Variants in ZFP64 observed in about 807,000 individuals in gnomAD.
The protein encoded by ZFP64 is zinc finger protein 64.
A neutral mutation model predicts 51.6 loss-of-function variants in ZFP64; 14 were observed. The ratio of observed to expected loss-of-function variants is 0.27; its 90% CI spans 0.18 to 0.42. The LOEUF (loss-of-function observed/expected upper bound fraction) is 0.42, where lower values mean the gene tolerates loss of function less well. Among genes scored for constraint, ZFP64 ranks in the 10% least tolerant of loss-of-function variants. The pLI, the probability that ZFP64 is intolerant of heterozygous loss-of-function variation, is 1.00. For missense variants in ZFP64, 754 were observed against 906.8 expected (o/e 0.83, Z 2.16); for synonymous variants, 375 against 361.4 (o/e 1.04, Z -0.43).
intron 5 of ZFP64, among the ~76,000 whole-genome samples, chr20:52,111,832 A>C (rs2122816911): frequency 6.6e-6 from 1 of 152,130 alleles, no homozygotes; most frequent in Middle Eastern, 3.4e-3. Flanking sequence ...CTGTAATCCC[A>C]GCACTTTGGG....
exon 9 of ZFP64, chr20:52,084,871 C>T (rs562200956): frequency 1.9e-6 from 3 of 1,613,822 alleles, no homozygotes; most frequent in Non-Finnish European, 2.5e-6. Context: ...ACCTTGTCGA[C>T]GTGCTTGGCC....
chr20:52,115,886 A>G (rs1236268141), intron 5 of ZFP64, among the ~76,000 whole-genome samples: 4 of 151,738 alleles, frequency 2.6e-5, no homozygotes, highest in Non-Finnish European at 5.9e-5. Context: ...CCAGGCTGGA[A>G]TGCATTGGTG....
chr20:52,094,619 C>T (rs749326844), intron 7 of ZFP64, among the ~76,000 whole-genome samples: 9 of 152,130 alleles, frequency 5.9e-5, no homozygotes, highest in East Asian at 5.8e-4. Flanking sequence ...ATTAGCTGGG[C>T]GAAATGGGGC....
intron 7 of ZFP64, among the ~76,000 whole-genome samples, chr20:52,096,368 G>T (rs1189159178): frequency 6.6e-6 from 1 of 152,250 alleles, no homozygotes; most frequent in East Asian, 1.9e-4. Flanking sequence ...AACTACAGCA[G>T]CTGCCTCAGA....
At chr20:52,155,673 TTCTTTA>T (rs1981259498) in intron 5 of ZFP64, among the ~76,000 whole-genome samples, 1 of 152,146 alleles carries the variant, frequency 6.6e-6, no homozygotes, top group Non-Finnish European at 1.5e-5. Context: ...CCATAAACAT[TTCTTTA>T]ATGAAGTATC....
chr20:52,132,456 A>G (rs1410181551), intron 5 of ZFP64, among the ~76,000 whole-genome samples: 1 of 152,162 alleles, frequency 6.6e-6, no homozygotes, highest in African/African-American at 2.4e-5. Context: ...AAAATTTACA[A>G]ACCTTTACCC....
downstream of ZFP64, chr20:52,151,265 C>A: frequency 2.0e-6 from 2 of 985,280 alleles, no homozygotes; most frequent in Non-Finnish European, 2.4e-6. Context: ...TCTAAAGAAT[C>A]ATTAACATTC....
At position 52,153,129 on chromosome 20, in the gene ZFP64, T is replaced by C; in HGVS notation, c.1063A>G (p.Lys355Glu). 6.2e-7 allele frequency: 1 copy of C among 1,614,216 alleles called. No individual in the cohort carries two copies. Among genetic ancestry groups the C allele is most frequent in the Non-Finnish European group, 8.5e-7 (1 of 1,180,038 alleles). Residue 355 changes from lysine (K) to glutamate (E), a missense_variant, in exon 6 of 6, where the codon AAG (lysine) becomes GAG (glutamate). Physicochemically the swap from Lys to Glu is moderately conservative, Grantham distance 56. This residue lies in a region of ZFP64 where 428 missense variants were observed against 472.4 expected (regional missense o/e 0.91). Transcript: ENST00000216923. The surrounding 1 kb of genome is among the most constrained non-coding windows in gnomAD (Gnocchi z 5.1). The stretch of plus-strand genomic sequence containing the variant: ...CGCTCGTGGATGCGCAGGGCGGCCT[T>C]GCTGGAGCAGGAGTAGCTGCATTCC... Reference protein sequence around the residue: ...CSECSYSCSSKAALRIHERIH... With the variant: ...CSECSYSCSSEAALRIHERIH...
intron 2 of ZFP64, 48 bp from the exon 3 acceptor site, chr20:52,166,073 G>T: frequency 2.6e-6 from 4 of 1,544,938 alleles, no homozygotes; most frequent in Non-Finnish European, 3.5e-6. Flanking sequence ...ATGCCCGCTA[G>T]CTATGGTGTC....
In ZFP64 at chr20:52,160,300, A is replaced by T; in HGVS notation, c.586T>A (p.Cys196Ser). 1 of 1,614,256 alleles carries T rather than the reference A, an allele frequency of 6.2e-7. No individual in the cohort carries two copies. The highest frequency in any genetic ancestry group is 8.5e-7 in the Non-Finnish European group (1 of 1,180,054). The change falls in exon 5 of 6, where the codon TGC (cysteine) becomes AGC (serine). Residue 196 changes from cysteine (C) to serine (S), a missense_variant. By Grantham distance (112) the Cys-to-Ser change is moderately radical. Coordinates refer to ENST00000216923, the MANE Select transcript of ZFP64 (RefSeq NM_018197.3). This position sits in a 1 kb window ranked among gnomAD's most constrained non-coding sequence, Gnocchi z 4.2. The part of the protein sequence containing the change: ...RKDKLKTHMR[C>S]HTGVKPYKCK... ...TTGTAGGGCTTCACGCCCGTGTGGC[A>T]CCGCATGTGAGTTTTCAGCTTGTCT...
At chr20:52,162,381 CT>C in intron 4 of ZFP64, among the ~76,000 whole-genome samples, 2 of 152,054 alleles carry the variant, frequency 1.3e-5, no homozygotes, top group South Asian at 4.1e-4. Context: ...AATCCCAGCA[CT>C]TTGGGAGGCC....
chr20:52,151,386 G>T lies in ZFP64; in HGVS notation c.*760C>A. 1.0e-6 allele frequency: 1 copy of T among 985,204 alleles called. No individual in the cohort carries two copies. Among genetic ancestry groups the T allele is most frequent in the Non-Finnish European group, 1.2e-6 (1 of 829,894 alleles). The allele number at this position is 985,204 out of a possible 1,614,324, so 61.0% of individuals were successfully genotyped here. A position where few individuals can be genotyped will look rare whatever the true frequency, so the allele number is the denominator to read the frequency against. On this transcript the variant is annotated 3_prime_UTR_variant, in exon 6 of 6. Coordinates refer to ENST00000216923, the MANE Select transcript of ZFP64 (RefSeq NM_018197.3). The stretch of plus-strand genomic sequence containing the variant: ...TCCATGTCATATTATGTAGAAAATG[G>T]TCCTTCATGCCAACAGACTTACATG...
At position 52,152,039 on chromosome 20, in the gene ZFP64, A is replaced by T; in HGVS notation, c.*107T>A. ...GAAACAGAGCGAGACTCCGTCTCAA[A>T]AACAAAACAAAACAAAGAAAACATT... On this transcript the variant is annotated 3_prime_UTR_variant, in exon 6 of 6. Transcript: ENST00000216923. The T allele has an allele frequency of 6.8e-7, 1 of 1,460,098 alleles. No homozygotes were observed. The highest frequency in any genetic ancestry group is 9.0e-7 in the Non-Finnish European group (1 of 1,106,492). The allele number at this position is 1,460,098 out of a possible 1,614,324, so 90.4% of individuals were successfully genotyped here.
In ZFP64 at chr20:52,108,507, CT is replaced by C. The variant is rs879700921; in HGVS notation, c.764-9921del. Among the ~76,000 whole-genome samples, 311 of 144,172 alleles carry C rather than the reference CT, an allele frequency of 2.2e-3. 1 individual carries two copies. Among genetic ancestry groups the C allele is most frequent in the Middle Eastern group, 3.5e-3 (1 of 284 alleles). The allele number at this position is 144,172 out of a possible 152,430, so 94.6% of individuals were successfully genotyped here. On this transcript the variant is annotated intron_variant, in intron 5 of 8. Transcript: ENST00000361387. ...TCTAGTCCTAAATTAAGTTTATTAC[CT>C]TTTTTTTTTTTTCTTTTGAGACGAA... is the stretch of plus-strand genomic sequence containing the variant.
At chr20:52,138,668 C>A (rs1007847950) in intron 5 of ZFP64, among the ~76,000 whole-genome samples, 1 of 151,622 alleles carries the variant, frequency 6.6e-6, no homozygotes, top group Non-Finnish European at 1.5e-5. Context: ...AAAAAAGCAC[C>A]CTGGTAATAT....
At chr20:52,099,061 C>T (rs1359037738) in intron 5 of ZFP64, among the ~76,000 whole-genome samples, 1 of 151,672 alleles carries the variant, frequency 6.6e-6, no homozygotes, top group African/African-American at 2.4e-5. Flanking sequence ...AGTCCTCTTC[C>T]CCTTACTACG....
chr20:52,141,018 C>T (rs1980229878), intron 5 of ZFP64, among the ~76,000 whole-genome samples: 1 of 152,170 alleles, frequency 6.6e-6, no homozygotes, highest in African/African-American at 2.4e-5. Flanking sequence ...ACCATGAAGG[C>T]TGGATGACAG....
chr20:52,113,290 C>T (rs933607242), intron 5 of ZFP64, among the ~76,000 whole-genome samples: 13 of 151,548 alleles, frequency 8.6e-5, no homozygotes, highest in African/African-American at 1.2e-4. Context: ...GCCGCGAATG[C>T]GCCACTGTAC....
At chr20:52,088,059 T>C (rs1199858776) in intron 8 of ZFP64, among the ~76,000 whole-genome samples, 2 of 152,208 alleles carry the variant, frequency 1.3e-5, no homozygotes, top group Non-Finnish European at 2.9e-5. Flanking sequence ...CATTCCAAAT[T>C]TAGCCATGCA....
Sources: allele counts gnomAD v4.1 joint callset (sites outside exome capture counted in the v4.1 genomes callset), GRCh38; gene constraint gnomAD v4.1.1; regional missense constraint gnomAD v4.1.1; non-coding constraint Gnocchi (gnomAD v3.1); transcripts MANE v1.5; gene names NCBI Gene and HGNC (gene_info 2026-07-23, HGNC 2026-07-21).